Variants in INPP5B observed in about 807,000 individuals in gnomAD.
INPP5B encodes inositol polyphosphate-5-phosphatase B.
INPP5B carries 90 observed loss-of-function variants against 118.5 expected under a neutral mutation model. The ratio of observed to expected loss-of-function variants is 0.76; its 90% CI spans 0.64 to 0.90. INPP5B has a LOEUF of 0.90. Ranked by LOEUF, INPP5B falls within the 40% of genes least tolerant of loss-of-function variation. The pLI, the probability that INPP5B is intolerant of heterozygous loss-of-function variation, is 0.00. For synonymous variants in INPP5B, 385 were observed against 418.9 expected (o/e 0.92, Z 0.99); for missense variants, 984 against 1,125.6 (o/e 0.87, Z 1.80).
intron 7 of INPP5B, among the ~76,000 whole-genome samples, chr1:37,900,630 CT>C (rs58101149): frequency 5.6e-4 from 74 of 132,410 alleles, no homozygotes; most frequent in African/African-American, 5.0e-4. Flanking sequence ...TTTTTTTTTT[CT>C]TTTTTTTTTT....
chr1:37,878,361 A>G (rs865911673), intron 15 of INPP5B, 38 bp from the exon 16 acceptor site: 1 of 1,610,754 alleles, frequency 6.2e-7, no homozygotes. Flanking sequence ...ACTCACAGAA[A>G]CAGCAGTGCC....
chr1:37,946,840 T>C, intron 1 of INPP5B, 150 bp downstream of exon 1: 1 of 153,398 alleles, frequency 6.5e-6, no homozygotes, highest in Non-Finnish European at 1.5e-5. Context: ...TGCTTGCCCT[T>C]CACCCCCGCC....
At position 37,871,204 on chromosome 1, in the gene INPP5B, T is replaced by C. The variant is rs533867712; in HGVS notation, c.2187+1726A>G. On this transcript the variant is annotated intron_variant, in intron 19 of 23. Coordinates refer to ENST00000373024, the MANE Select transcript of INPP5B (RefSeq NM_005540.3). The stretch of plus-strand genomic sequence containing the variant: ...CGGGCGCAGTGGCTCATGCTTGTAA[T>C]CCCAACACTTTGGGAAGCTGGGGCG... 3.1e-3 allele frequency among the ~76,000 whole-genome samples: 421 copies of C among 135,486 alleles called. 1 individual carries two copies. Among genetic ancestry groups the C allele is most frequent in the Middle Eastern group, 0.019 (4 of 210 alleles). 88.9% of individuals were successfully genotyped at this position (135,486 alleles called of 152,430 possible).
intron 9 of INPP5B, 50 bp downstream of exon 9, chr1:37,889,507 T>G: frequency 6.9e-7 from 1 of 1,449,212 alleles, no homozygotes; most frequent in Non-Finnish European, 9.5e-7. Flanking sequence ...AATTCCAGAG[T>G]GCCAAATGAT....
At chr1:37,933,917 T>G (rs1557720620) in intron 6 of INPP5B, among the ~76,000 whole-genome samples, 1 of 142,876 alleles carries the variant, frequency 7.0e-6, no homozygotes, top group Non-Finnish European at 1.5e-5. Context: ...ATTTATTTAT[T>G]TATTTATTTA....
intron 7 of INPP5B, among the ~76,000 whole-genome samples, chr1:37,912,996 GC>G (rs1644751685): frequency 6.6e-6 from 1 of 150,960 alleles, no homozygotes; most frequent in African/African-American, 2.4e-5. Context: ...AGTGGCTCAT[GC>G]CTGCAATCCC....
In INPP5B at chr1:37,897,496, G is replaced by A. The variant is rs1283648731; in HGVS notation, c.533-6042C>T. On this transcript the variant is annotated intron_variant, in intron 7 of 23. Transcript: ENST00000373024. Reference sequence around the variant, plus strand: ...ACTCAGGGTTGAATGGATTAAGGGCGGTGCAAGATGTGCTTTGTTAAACAG... The same window carrying A: ...ACTCAGGGTTGAATGGATTAAGGGCAGTGCAAGATGTGCTTTGTTAAACAG... Among the ~76,000 whole-genome samples the A allele has an allele frequency of 1.8e-4, 28 of 151,376 alleles. No homozygotes were observed. The East Asian group carries it at 5.2e-3, about 28-fold the overall frequency.
intron 7 of INPP5B, among the ~76,000 whole-genome samples, chr1:37,926,648 G>A (rs1645241624): frequency 6.6e-6 from 1 of 152,102 alleles, no homozygotes; most frequent in South Asian, 2.1e-4. Flanking sequence ...TTACTGCTTT[G>A]TTAAAATAGC....
At position 37,889,617 on chromosome 1, in the gene INPP5B, G is replaced by GT; in HGVS notation, c.736dup (p.Thr246AsnfsTer60). 1 of 1,613,940 alleles carries GT rather than the reference G, an allele frequency of 6.2e-7. No homozygotes were observed. The highest frequency in any genetic ancestry group is 8.5e-7 in the Non-Finnish European group (1 of 1,179,842). ...CTGTAGTAGATGTGATTTCACAATT[G>GT]TATCTCGCAGTCCAAACTTCTGCAT... On this transcript the variant is annotated frameshift_variant, in exon 9 of 24. Coordinates refer to ENST00000373024, the MANE Select transcript of INPP5B (RefSeq NM_005540.3). LOFTEE classifies it high-confidence loss of function.
chr1:37,938,299 A>AAATAAATC lies in INPP5B; in HGVS notation c.391+2388_391+2389insGATTTATT, dbSNP rs1553162617. On this transcript the variant is annotated intron_variant, in intron 6 of 23. Transcript: ENST00000373024. ...TAAATAAATAAATAAATAAATAAAT[A>AAATAAATC]AATAAAATTAACATTAAATTTAAAA... 4.4e-3 allele frequency among the ~76,000 whole-genome samples: 658 copies of AAATAAATC among 149,890 alleles called. 4 individuals carry two copies. The highest frequency in any genetic ancestry group is 0.014 in the African/African-American group (583 of 41,322).
chr1:37,889,197 A>G (rs1397733001), intron 9 of INPP5B, among the ~76,000 whole-genome samples: 1 of 152,226 alleles, frequency 6.6e-6, no homozygotes, highest in African/African-American at 2.4e-5. Context: ...TGACTGCACC[A>G]CTGCACTCCA....
chr1:37,945,915 C>T lies in INPP5B; in HGVS notation c.58-65G>A, dbSNP rs78361870. On this transcript the variant is annotated intron_variant, in intron 2 of 23. Transcript: ENST00000373024. ...GCCTCTCCCCACCCAGGCTGTCCCA[C>T]CTTCCCTCTGTTCCCCTGCCCCCCC... 5.5e-6 allele frequency: 8 copies of T among 1,461,490 alleles called. No individual in the cohort carries two copies. In the East Asian group the frequency reaches 1.4e-4, roughly 25 times the overall value. 90.5% of individuals were successfully genotyped at this position (1,461,490 alleles called of 1,614,324 possible).
At chr1:37,924,711 G>A (rs917231519) in intron 7 of INPP5B, among the ~76,000 whole-genome samples, 1 of 150,272 alleles carries the variant, frequency 6.7e-6, no homozygotes, top group South Asian at 2.1e-4. Flanking sequence ...GTTTGAGACC[G>A]GCCTGGGCAA....
Position 37,917,361 on chromosome 1 carries a change from T to G in INPP5B, c.532+14552A>C, listed in dbSNP as rs560091079. Among the ~76,000 whole-genome samples the G allele has an allele frequency of 2.6e-4, 36 of 139,612 alleles. 1 individual carries two copies. The South Asian group carries it at 6.4e-3, about 25-fold the overall frequency. The allele number at this position is 139,612 out of a possible 152,430, so 91.6% of individuals were successfully genotyped here. A position where few individuals can be genotyped will look rare whatever the true frequency, so the allele number is the denominator to read the frequency against. ...ATATTTGAGAAAGGGTCACGCTCTA[T>G]CACTCAGGCTGAAGTGCAGTAGCGC... is the stretch of plus-strand genomic sequence containing the variant. On this transcript the variant is annotated intron_variant, in intron 7 of 23. Transcript: ENST00000373024.
In INPP5B at chr1:37,860,883, G is replaced by C. The variant is rs1641656779; in HGVS notation, c.*1432C>G. 6.6e-6 allele frequency: 1 copy of C among 152,238 alleles called. No individual in the cohort carries two copies. Among genetic ancestry groups the C allele is most frequent in the South Asian group, 2.1e-4 (1 of 4,834 alleles). 9.4% of individuals were successfully genotyped at this position (152,238 alleles called of 1,614,324 possible). A position where few individuals can be genotyped will look rare whatever the true frequency, so the allele number is the denominator to read the frequency against. Reference sequence around the variant, plus strand: ...TCTCTCACCCGGGCTGGCGTACAGTGATGTGGTCATAGGTCACTGCAGCCT... The same window carrying C: ...TCTCTCACCCGGGCTGGCGTACAGTCATGTGGTCATAGGTCACTGCAGCCT... On this transcript the variant is annotated 3_prime_UTR_variant, in exon 24 of 24. Coordinates refer to ENST00000373024, the MANE Select transcript of INPP5B (RefSeq NM_005540.3).
intron 7 of INPP5B, among the ~76,000 whole-genome samples, chr1:37,913,196 G>A (rs989665282): frequency 6.6e-6 from 1 of 152,208 alleles, no homozygotes. Flanking sequence ...GGCGGAGCTT[G>A]CAGTGAGCCG....
chr1:37,868,356 G>A lies in INPP5B; in HGVS notation c.2301+145C>T, dbSNP rs148444995. On this transcript the variant is annotated intron_variant, in intron 20 of 23. Transcript: ENST00000373024. ...AAATAGCAGGGTCTCCCAGGAGTGT[G>A]AAACATGGCATACTATCTATCCTTC... 2.8e-3 allele frequency: 1,550 copies of A among 558,046 alleles called. 18 individuals are homozygous for A. Among genetic ancestry groups the A allele is most frequent in the East Asian group, 0.016 (512 of 32,632 alleles). 34.6% of individuals were successfully genotyped at this position (558,046 alleles called of 1,614,324 possible). A position where few individuals can be genotyped will look rare whatever the true frequency, so the allele number is the denominator to read the frequency against.
At chr1:37,877,515 G>C (rs1490764445) in intron 16 of INPP5B, among the ~76,000 whole-genome samples, 2 of 152,214 alleles carry the variant, frequency 1.3e-5, no homozygotes. Context: ...ATGGTTGGTA[G>C]AAGTATAAAG....
intron 19 of INPP5B, among the ~76,000 whole-genome samples, chr1:37,869,272 C>T (rs1399001927): frequency 6.6e-6 from 1 of 151,552 alleles, no homozygotes; most frequent in East Asian, 1.9e-4. Flanking sequence ...GGATTACAGG[C>T]GTGAGCCACC....
Sources: gnomAD v4.1 joint callset for allele counts (sites outside exome capture counted in the v4.1 genomes callset) on GRCh38, gnomAD v4.1.1 for gene constraint, MANE v1.5 for transcripts, NCBI Gene and HGNC (gene_info 2026-07-23, HGNC 2026-07-21) for gene names.